The following RAI1 variants were observed in gnomAD, a reference collection of about 807,000 sequenced individuals.
The protein encoded by RAI1 is retinoic acid induced 1.
RAI1 carries 9 observed loss-of-function variants against 123.8 expected under a neutral mutation model. The observed-to-expected ratio is 0.07, with a 90% confidence interval of 0.04 to 0.13. The LOEUF (loss-of-function observed/expected upper bound fraction) is 0.13. Among genes scored for constraint, RAI1 ranks in the 10% least tolerant of loss-of-function variants. RAI1 has a pLI of 1.00. For synonymous variants in RAI1, 1,231 were observed against 1,127.3 expected, an observed-to-expected ratio of 1.09 and a Z score of -1.84; for missense variants, 2,256 against 2,545.8, an observed-to-expected ratio of 0.89 and a Z score of 2.45.
At chr17:17,791,199 G>A (rs2032001209) in intron 2 of RAI1, among the ~76,000 whole-genome samples, 1 of 152,234 alleles carries the variant, frequency 6.6e-6, no homozygotes, top group Admixed American at 6.5e-5. Context: ...ACTCCAGAGA[G>A]CAGGAGAGGT....
At chr17:17,778,844 T>G (rs747165719) in intron 2 of RAI1, 1 of 456,740 alleles carries the variant, frequency 2.2e-6, no homozygotes, top group South Asian at 1.5e-5. Flanking sequence ...CTCCCCCAGA[T>G]GCTGAGTGAC....
chr17:17,811,058 A>G lies in RAI1; in HGVS notation c.*1077A>G. ...CGCGACGCCACTTGTCCACGCAGCC[A>G]CCACCGGCCCGGGCCAGTCCCTGCC... On this transcript the variant is annotated 3_prime_UTR_variant, in exon 6 of 6. Coordinates refer to ENST00000353383, the MANE Select transcript of RAI1 (RefSeq NM_030665.4). 6.5e-6 allele frequency: 2 copies of G among 308,378 alleles called. No individual in the cohort carries two copies. The highest frequency in any genetic ancestry group is 4.7e-5 in the South Asian group (2 of 42,592). 19.1% of individuals were successfully genotyped at this position (308,378 alleles called of 1,614,324 possible).
chr17:17,811,412 A>AC lies in RAI1; in HGVS notation c.*1431_*1432insC, dbSNP rs1201138647. The AC allele has an allele frequency of 4.3e-6, 1 of 230,990 alleles. No homozygotes were observed. The highest frequency in any genetic ancestry group is 8.7e-6 in the Non-Finnish European group (1 of 114,954). The allele number at this position is 230,990 out of a possible 1,614,324, so 14.3% of individuals were successfully genotyped here. A position where few individuals can be genotyped will look rare whatever the true frequency, so the allele number is the denominator to read the frequency against. ...ACAGTCATTGCATTCAGAAAAAAAA[A>AC]AAAAAAAAAGTCAATAAAGATACAA... On this transcript the variant is annotated 3_prime_UTR_variant, in exon 6 of 6. Coordinates refer to ENST00000353383, the MANE Select transcript of RAI1 (RefSeq NM_030665.4).
intron 2 of RAI1, among the ~76,000 whole-genome samples, chr17:17,785,826 T>C (rs1206640570): frequency 6.6e-6 from 1 of 152,232 alleles, no homozygotes. Context: ...CTGTTCCTCC[T>C]GCTCTGGGTG....
chr17:17,794,973 G>A lies in RAI1; in HGVS notation c.2025G>A (p.Lys675=). Residue 675 remains lysine, a synonymous_variant, in exon 3 of 6, where the codon AAG becomes AAA. Coordinates refer to ENST00000353383, the MANE Select transcript of RAI1 (RefSeq NM_030665.4). ...EALPDSLQLD[K]GGNAKDFSPG... is the part of the protein sequence containing the mutation. Reference sequence around the variant, plus strand: ...TGCCCGACTCCTTGCAGCTGGACAAGGGCGGCAATGCCAAGGACTTCAGCC... The same window carrying A: ...TGCCCGACTCCTTGCAGCTGGACAAAGGCGGCAATGCCAAGGACTTCAGCC... 1 of 1,613,940 alleles carries A rather than the reference G, an allele frequency of 6.2e-7. No homozygotes were observed. Among genetic ancestry groups the A allele is most frequent in the Non-Finnish European group, 8.5e-7 (1 of 1,180,044 alleles).
intron 1 of RAI1, among the ~76,000 whole-genome samples, chr17:17,686,611 ACGCG>A (rs906778883): frequency 3.0e-5 from 2 of 67,584 alleles, no homozygotes; most frequent in Non-Finnish European, 7.4e-5. Context: ...GTGTGTGTGC[ACGCG>A]CGCGCCGGGG....
At chr17:17,742,689 C>T (rs930932439) in intron 2 of RAI1, among the ~76,000 whole-genome samples, 1 of 152,204 alleles carries the variant, frequency 6.6e-6, no homozygotes, top group African/African-American at 2.4e-5. Flanking sequence ...CACCTGAGTC[C>T]CCCAGAGCCA....
At chr17:17,729,859 G>T (rs1022278236) in intron 2 of RAI1, among the ~76,000 whole-genome samples, 1 of 152,220 alleles carries the variant, frequency 6.6e-6, no homozygotes, top group Non-Finnish European at 1.5e-5. Context: ...AGGGGGCAAA[G>T]ATGCTCACTG....
At position 17,794,323 on chromosome 17, in the gene RAI1, G is replaced by C. The variant is rs778095950; in HGVS notation, c.1375G>C (p.Val459Leu). 1 of 1,613,126 alleles carries C rather than the reference G, an allele frequency of 6.2e-7. No individual in the cohort carries two copies. Among genetic ancestry groups the C allele is most frequent in the South Asian group, 1.1e-5 (1 of 91,074 alleles). The change falls in exon 3 of 6, where the codon GTG becomes CTG. Residue 459 changes from valine (V) to leucine (L), a missense_variant. Transcript: ENST00000353383. ...GCAGCTGCTGCTCTCCAAGGCTGCT[G>C]TGCCGCAGAAGAAAGGTGTCAAGAA... Reference protein sequence around the residue: ...VQQLLLSKAAVPQKKGVKNLV... With the variant: ...VQQLLLSKAALPQKKGVKNLV...
intron 2 of RAI1, among the ~76,000 whole-genome samples, chr17:17,784,952 T>TC (rs1335231368): frequency 1.3e-5 from 2 of 152,052 alleles, no homozygotes; most frequent in Non-Finnish European, 2.9e-5. Context: ...CCTTCATCCT[T>TC]CCCCACATAG....
chr17:17,717,837 C>T (rs763170308), intron 1 of RAI1, among the ~76,000 whole-genome samples: 2 of 152,186 alleles, frequency 1.3e-5, no homozygotes, highest in African/African-American at 4.8e-5. Context: ...AGGCGGGGGC[C>T]GTCTTCCTGG....
At chr17:17,783,892 A>G (rs2031721906) in intron 2 of RAI1, among the ~76,000 whole-genome samples, 1 of 152,202 alleles carries the variant, frequency 6.6e-6, no homozygotes, top group South Asian at 2.1e-4. Flanking sequence ...TAACGAAGTC[A>G]GCTTGCCAAC....
Position 17,796,452 on chromosome 17 carries a change from C to T in RAI1, c.3504C>T (p.Leu1168=), listed in dbSNP as rs747813989. The part of the protein sequence containing the change: ...SKRRRPSEGR[L]PNCRATKKLL... Reference sequence around the variant, plus strand: ...GGCGGAGGCCCTCTGAGGGCCGGCTCCCCAACTGCCGTGCCACCAAGAAGC... The same window carrying T: ...GGCGGAGGCCCTCTGAGGGCCGGCTTCCCAACTGCCGTGCCACCAAGAAGC... The change falls in exon 3 of 6, where the codon CTC becomes CTT. Residue 1168 remains leucine (L), a synonymous_variant. Coordinates refer to ENST00000353383, the MANE Select transcript of RAI1 (RefSeq NM_030665.4). This position sits in a 1 kb window ranked among gnomAD's most constrained non-coding sequence, Gnocchi z 5.8. The T allele has an allele frequency of 1.2e-6, 2 of 1,612,854 alleles. No homozygotes were observed. The highest frequency in any genetic ancestry group is 1.3e-5 in the African/African-American group (1 of 75,064).
intron 2 of RAI1, among the ~76,000 whole-genome samples, chr17:17,780,178 G>A (rs1378956033): frequency 6.6e-6 from 1 of 150,904 alleles, no homozygotes; most frequent in Non-Finnish European, 1.5e-5. Context: ...CAATTCTCAT[G>A]CCTCAGCCTC....
rs765372546 is a variant in RAI1 at position 17,797,220 on chromosome 17, C to A, written c.4272C>A (p.Phe1424Leu). The A allele has an allele frequency of 1.2e-6, 2 of 1,613,740 alleles. No individual in the cohort carries two copies. The highest frequency in any genetic ancestry group is 1.7e-6 in the Non-Finnish European group (2 of 1,180,028). The change falls in exon 3 of 6, where the codon TTC becomes TTA. Residue 1424 changes from phenylalanine to leucine, a missense_variant. By Grantham distance (22) the Phe-to-Leu change is conservative (BLOSUM62 0). Transcript: ENST00000353383. ...NSKKLSSTDC[F>L]KTEAFTSPEA... Reference sequence around the variant, plus strand: ...AGAAACTGTCTTCTACTGACTGTTTCAAAACCGAGGCCTTCACATCCCCGG... The same window carrying A: ...AGAAACTGTCTTCTACTGACTGTTTAAAAACCGAGGCCTTCACATCCCCGG...
intron 2 of RAI1, among the ~76,000 whole-genome samples, chr17:17,745,851 G>A (rs902285668): frequency 5.9e-5 from 9 of 152,216 alleles, no homozygotes; most frequent in Non-Finnish European, 1.3e-4. Flanking sequence ...GCGGGTGGAG[G>A]AAGCCGTGAG....
chr17:17,799,783 C>T lies in RAI1; in HGVS notation c.5565+1270C>T, dbSNP rs2032392287. The stretch of plus-strand genomic sequence containing the variant: ...GGCTTCGCCCCTCCCCCTGCCCAGC[C>T]TCCTCCCCCGTCGCTGCACTGCCCA... On this transcript the variant is annotated intron_variant, in intron 3 of 5. Coordinates refer to ENST00000353383, the MANE Select transcript of RAI1 (RefSeq NM_030665.4). This position sits in a 1 kb window ranked among gnomAD's most constrained non-coding sequence, Gnocchi z 4.5. 6.6e-6 allele frequency among the ~76,000 whole-genome samples: 1 copy of T among 152,202 alleles called. No individual in the cohort carries two copies. Among genetic ancestry groups the T allele is most frequent in the South Asian group, 2.1e-4 (1 of 4,830 alleles).
intron 2 of RAI1, among the ~76,000 whole-genome samples, chr17:17,784,144 C>A (rs2031733267): frequency 1.3e-5 from 2 of 152,272 alleles, no homozygotes; most frequent in Admixed American, 1.3e-4. Context: ...TTTGACACGC[C>A]GTGGCGGCCT....
At chr17:17,721,415 G>A (rs914280540) in intron 1 of RAI1, among the ~76,000 whole-genome samples, 2 of 152,170 alleles carry the variant, frequency 1.3e-5, no homozygotes, top group African/African-American at 4.8e-5. Flanking sequence ...TGGTATATTA[G>A]AAGGTAGGGA....
Sources: gnomAD v4.1 joint callset for allele counts (sites outside exome capture counted in the v4.1 genomes callset) on GRCh38, gnomAD v4.1.1 for gene constraint, Gnocchi (gnomAD v3.1) non-coding constraint, MANE v1.5 for transcripts, NCBI Gene and HGNC (gene_info 2026-07-23, HGNC 2026-07-21) for gene names.